The following ADGRL3 variants were observed in gnomAD, a reference collection of about 807,000 sequenced individuals.
The protein encoded by ADGRL3 is adhesion G protein-coupled receptor L3.
Under a neutral mutation model 153.5 loss-of-function variants are expected in ADGRL3, and 62 were observed. That is an observed-to-expected ratio of 0.40 (90% CI 0.33 to 0.50). ADGRL3 has a LOEUF of 0.50. ADGRL3 is among the 20% of genes least tolerant of loss of function. The pLI, the probability that ADGRL3 is intolerant of heterozygous loss-of-function variation, is 0.47. For missense variants in ADGRL3, 1,641 were observed against 1,859.4 expected (o/e 0.88, Z 2.16); for synonymous variants, 710 against 672.5 (o/e 1.06, Z -0.86).
chr4:61,293,220 A>G lies in ADGRL3; in HGVS notation c.-239-89904A>G, dbSNP rs148212400. Among the ~76,000 whole-genome samples the G allele has an allele frequency of 5.2e-3, 792 of 152,290 alleles. 8 individuals are homozygous for G. The highest frequency in any genetic ancestry group is 0.018 in the African/African-American group (739 of 41,566). On this transcript the variant is annotated intron_variant, in intron 1 of 26. Transcript: ENST00000683033. ...AAAAGAGCTGGGAAACAGACTCACC[A>G]GAAGGAAAAGCGCAGACACAGAGAG... is the stretch of plus-strand genomic sequence containing the variant.
chr4:61,489,082 C>G (rs2098229082), intron 2 of ADGRL3, among the ~76,000 whole-genome samples: 2 of 151,940 alleles, frequency 1.3e-5, no homozygotes, highest in African/African-American at 4.8e-5. Flanking sequence ...TAATCGAATG[C>G]CTACTCTTGC....
chr4:61,241,271 C>G (rs11131314), intron 1 of ADGRL3, among the ~76,000 whole-genome samples: 1 of 151,622 alleles, frequency 6.6e-6, no homozygotes, highest in Non-Finnish European at 1.5e-5. Context: ...ATAAAGGTAA[C>G]GAAGGTGTTT....
At chr4:61,436,005 C>T (rs28579995) in intron 2 of ADGRL3, among the ~76,000 whole-genome samples, 59,779 of 151,646 alleles carry the variant, frequency 0.39, 12,304 homozygotes, top group Middle Eastern at 0.57. Flanking sequence ...CAAATATTTC[C>T]AAGTATAATG....
intron 1 of ADGRL3, among the ~76,000 whole-genome samples, chr4:61,243,174 G>A (rs1560379525): frequency 6.6e-6 from 1 of 152,046 alleles, no homozygotes; most frequent in South Asian, 2.1e-4. Flanking sequence ...TTAGTATAGG[G>A]TTTTCAATTT....
intron 5 of ADGRL3, among the ~76,000 whole-genome samples, chr4:61,641,408 G>A (rs914801347): frequency 1.3e-5 from 2 of 150,988 alleles, no homozygotes; most frequent in Non-Finnish European, 3.0e-5. Flanking sequence ...CTAGCGTTAG[G>A]TATATCTCCC....
At chr4:61,820,162 A>G (rs907674358) in intron 9 of ADGRL3, among the ~76,000 whole-genome samples, 3 of 152,214 alleles carry the variant, frequency 2.0e-5, no homozygotes, top group Non-Finnish European at 4.4e-5. Context: ...ATATAGTAAC[A>G]AGTTACAAAA....
At chr4:61,799,656 A>G (rs2097465072) in intron 8 of ADGRL3, among the ~76,000 whole-genome samples, 1 of 152,050 alleles carries the variant, frequency 6.6e-6, no homozygotes, top group African/African-American at 2.4e-5. Context: ...TAGTGTTTTG[A>G]ACCTCAGGCA....
chr4:61,893,026 T>C (rs1009804839), intron 10 of ADGRL3, 68 bp downstream of exon 10: 46 of 982,306 alleles, frequency 4.7e-5, no homozygotes, highest in Non-Finnish European at 5.6e-5. Flanking sequence ...TAGTATTCTT[T>C]TCCTTTTCCT....
At chr4:62,043,001 G>T (rs1201510657) in intron 24 of ADGRL3, among the ~76,000 whole-genome samples, 1 of 151,970 alleles carries the variant, frequency 6.6e-6, no homozygotes, top group East Asian at 1.9e-4. Context: ...ACTCTTTTAT[G>T]TTTTCCTTTG....
chr4:61,483,623 G>C (rs957537607), intron 2 of ADGRL3, among the ~76,000 whole-genome samples: 1 of 151,950 alleles, frequency 6.6e-6, no homozygotes, highest in Non-Finnish European at 1.5e-5. Flanking sequence ...TGTAATCCCA[G>C]CTACTCGGGA....
At chr4:61,625,816 G>A (rs538852536) in intron 5 of ADGRL3, among the ~76,000 whole-genome samples, 1 of 152,154 alleles carries the variant, frequency 6.6e-6, no homozygotes, top group South Asian at 2.1e-4. Context: ...ACAGAAGTGT[G>A]GGTGTTGGTA....
In ADGRL3 at chr4:61,874,966, GC is replaced by G. The variant is rs554342885; in HGVS notation, c.1481-17687del. Among the ~76,000 whole-genome samples the G allele has an allele frequency of 7.0e-4, 106 of 150,742 alleles. 2 individuals are homozygous for G. The South Asian group carries it at 0.022, about 31-fold the overall frequency. On this transcript the variant is annotated intron_variant, in intron 9 of 26. Coordinates refer to ENST00000683033, the MANE Select transcript of ADGRL3 (RefSeq NM_001387552.1). Reference sequence around the variant, plus strand: ...TGGGACTACAGGCGCCCACCACCGCGCCCGGCTAATTTTTTGTATTTTTAGT... The same window carrying G: ...TGGGACTACAGGCGCCCACCACCGCGCCGGCTAATTTTTTGTATTTTTAGT...
At chr4:61,644,346 T>C (rs1306003556) in intron 5 of ADGRL3, among the ~76,000 whole-genome samples, 3 of 151,680 alleles carry the variant, frequency 2.0e-5, no homozygotes. Context: ...TGAATGTGTT[T>C]GCTCTTGCTT....
chr4:61,612,605 A>G (rs2091502670), intron 5 of ADGRL3, among the ~76,000 whole-genome samples: 2 of 152,200 alleles, frequency 1.3e-5, no homozygotes, highest in African/African-American at 4.8e-5. Flanking sequence ...GAAGATCACT[A>G]AAATACTAAA....
chr4:61,292,041 A>G (rs570102640), intron 1 of ADGRL3, among the ~76,000 whole-genome samples: 26 of 151,610 alleles, frequency 1.7e-4, no homozygotes, highest in African/African-American at 6.1e-4. Flanking sequence ...TATTCCACAT[A>G]TTATGGGAGA....
At chr4:61,641,079 T>A (rs2093644900) in intron 5 of ADGRL3, among the ~76,000 whole-genome samples, 1 of 151,962 alleles carries the variant, frequency 6.6e-6, no homozygotes, top group Non-Finnish European at 1.5e-5. Context: ...AAGGATAGAG[T>A]CAGATAAATT....
chr4:61,487,869 A>C (rs1301553937), intron 2 of ADGRL3, among the ~76,000 whole-genome samples: 2 of 152,024 alleles, frequency 1.3e-5, no homozygotes, highest in Admixed American at 1.3e-4. Context: ...GGAGTCAAGC[A>C]AGTGTTTTCC....
intron 11 of ADGRL3, among the ~76,000 whole-genome samples, chr4:61,902,743 A>G (rs2149724828): frequency 6.6e-6 from 1 of 152,096 alleles, no homozygotes; most frequent in East Asian, 1.9e-4. Flanking sequence ...TCCATCTCAA[A>G]TGAAACATTC....
At chr4:61,279,094 G>A (rs2149945776) in intron 1 of ADGRL3, among the ~76,000 whole-genome samples, 1 of 152,232 alleles carries the variant, frequency 6.6e-6, no homozygotes, top group Middle Eastern at 3.4e-3. Context: ...GATCATGACT[G>A]TCTAGACAGG....
Sources: gnomAD v4.1 joint callset for allele counts (sites outside exome capture counted in the v4.1 genomes callset) on GRCh38, gnomAD v4.1.1 for gene constraint, MANE v1.5 for transcripts, NCBI Gene and HGNC (gene_info 2026-07-23, HGNC 2026-07-21) for gene names.